The following SGPP1 variants were observed in gnomAD, a reference collection of about 807,000 sequenced individuals.
The protein encoded by SGPP1 is sphingosine-1-phosphate phosphatase 1, also known as hSPP1.
A neutral mutation model predicts 33.0 loss-of-function variants in SGPP1; 21 were observed. The ratio of observed to expected loss-of-function variants is 0.64; its 90% CI spans 0.45 to 0.92. The LOEUF (loss-of-function observed/expected upper bound fraction) is 0.92. SGPP1 is among the 40% of genes least tolerant of loss of function. The probability of loss-of-function intolerance (pLI) is 0.00; values close to 1 mark genes in which losing one functional copy is unlikely to be tolerated. For synonymous variants in SGPP1, 239 were observed against 241.2 expected (o/e 0.99, Z 0.08); for missense variants, 543 against 589.4 (o/e 0.92, Z 0.81).
chr14:63,688,423 G>A (rs1314589327), intron 2 of SGPP1, among the ~76,000 whole-genome samples: 1 of 151,838 alleles, frequency 6.6e-6, no homozygotes, highest in Non-Finnish European at 1.5e-5. Flanking sequence ...AATCAGAGAC[G>A]GTTCCTAGTT....
chr14:63,696,827 A>T (rs1393089523), intron 2 of SGPP1, among the ~76,000 whole-genome samples: 2 of 152,120 alleles, frequency 1.3e-5, no homozygotes, highest in Non-Finnish European at 2.9e-5. Flanking sequence ...CTCTACTAAA[A>T]ATACAAAAAT....
intron 1 of SGPP1, among the ~76,000 whole-genome samples, chr14:63,720,642 C>A (rs978108085): frequency 1.3e-5 from 2 of 152,048 alleles, no homozygotes; most frequent in African/African-American, 4.8e-5. Flanking sequence ...CGCCTGTAAT[C>A]CCAGCTAGTT....
At chr14:63,708,582 A>C (rs1284246219) in intron 1 of SGPP1, among the ~76,000 whole-genome samples, 1 of 152,010 alleles carries the variant, frequency 6.6e-6, no homozygotes, top group Non-Finnish European at 1.5e-5. Flanking sequence ...TTTATTTCTG[A>C]CCGTTAATTT....
chr14:63,711,498 C>T (rs980098957), intron 1 of SGPP1, among the ~76,000 whole-genome samples: 4 of 152,192 alleles, frequency 2.6e-5, no homozygotes, highest in South Asian at 2.1e-4. Context: ...CAGGGCAGGC[C>T]GACAGGCTGA....
intron 1 of SGPP1, among the ~76,000 whole-genome samples, chr14:63,705,424 T>C (rs1332133111): frequency 1.3e-5 from 2 of 151,190 alleles, no homozygotes; most frequent in Non-Finnish European, 2.9e-5. Context: ...TCCCAGCACT[T>C]TGGGGGGCCG....
intron 2 of SGPP1, among the ~76,000 whole-genome samples, chr14:63,694,793 G>A (rs1475573338): frequency 1.3e-5 from 2 of 152,078 alleles, no homozygotes; most frequent in Admixed American, 1.3e-4. Flanking sequence ...AGGAAATTTA[G>A]CAAATAATTT....
intron 1 of SGPP1, among the ~76,000 whole-genome samples, chr14:63,701,918 CAAAAA>C (rs549492142): frequency 3.1e-4 from 17 of 54,090 alleles, no homozygotes; most frequent in South Asian, 1.1e-3. Context: ...CTGTTGACAG[CAAAAA>C]AAAAAAAAAA....
At chr14:63,725,704 T>G (rs1190909213) in intron 1 of SGPP1, among the ~76,000 whole-genome samples, 2 of 152,324 alleles carry the variant, frequency 1.3e-5, no homozygotes, top group African/African-American at 4.8e-5. Context: ...TTTTCAGACT[T>G]CCAGTTAGTA....
intron 2 of SGPP1, among the ~76,000 whole-genome samples, chr14:63,691,471 C>T (rs1885094084): frequency 6.6e-6 from 1 of 152,210 alleles, no homozygotes; most frequent in Non-Finnish European, 1.5e-5. Context: ...CAGGCATCTA[C>T]CTCCTCCATA....
intron 2 of SGPP1, among the ~76,000 whole-genome samples, chr14:63,690,754 G>A (rs748133109): frequency 1.3e-4 from 19 of 151,838 alleles, no homozygotes; most frequent in Non-Finnish European, 2.4e-4. Flanking sequence ...TCTGTTCCCC[G>A]GGATGGAGTA....
At chr14:63,727,156 G>C (rs1010901700) in intron 1 of SGPP1, 105 bp downstream of exon 1, 1 of 1,444,186 alleles carries the variant, frequency 6.9e-7, no homozygotes. Flanking sequence ...TGTGGAAAGA[G>C]AGGCTTTGGA....
rs149126697 is a variant in SGPP1, at chr14:63,727,811, G to A, written c.134C>T (p.Ala45Val). The change falls in exon 1 of 3, where the codon GCG (alanine) becomes GTG (valine). Residue 45 changes from alanine to valine, a missense_variant. Transcript: ENST00000247225. ...AGGGTCTCCGGCGAGAGGCGCCTCC[G>A]CTTTCTCATCCTCCCTCCGGTCTGC... Reference protein sequence around the residue: ...RSADRREDEKAEAPLAGDPRL... With the variant: ...RSADRREDEKVEAPLAGDPRL... 3.3e-5 allele frequency: 50 copies of A among 1,506,514 alleles called. No individual in the cohort carries two copies. The highest frequency in any genetic ancestry group is 3.2e-4 in the African/African-American group (22 of 69,500). The allele number at this position is 1,506,514 out of a possible 1,614,324, so 93.3% of individuals were successfully genotyped here.
At chr14:63,691,751 C>A (rs1885098083) in intron 2 of SGPP1, among the ~76,000 whole-genome samples, 1 of 152,068 alleles carries the variant, frequency 6.6e-6, no homozygotes, top group African/African-American at 2.4e-5. Flanking sequence ...CTGATGTACA[C>A]CCTGGTTGAA....
At chr14:63,687,817 G>A (rs897406261) in intron 2 of SGPP1, among the ~76,000 whole-genome samples, 6 of 152,066 alleles carry the variant, frequency 3.9e-5, no homozygotes, top group Admixed American at 1.3e-4. Context: ...GGGAGACTTC[G>A]TCTCTTAAGA....
At chr14:63,713,652 G>A (rs1885566807) in intron 1 of SGPP1, among the ~76,000 whole-genome samples, 2 of 152,116 alleles carry the variant, frequency 1.3e-5, no homozygotes, top group African/African-American at 4.8e-5. Flanking sequence ...AAAATCTAGG[G>A]AAGAAATTTA....
At chr14:63,688,714 CTTTTT>C (rs776698745) in intron 2 of SGPP1, among the ~76,000 whole-genome samples, 269 of 140,918 alleles carry the variant, frequency 1.9e-3, no homozygotes, top group Non-Finnish European at 3.3e-3. Flanking sequence ...ACCGTCATTT[CTTTTT>C]TTTTTCTTTT....
At chr14:63,710,344 C>T (rs541725655) in intron 1 of SGPP1, among the ~76,000 whole-genome samples, 43 of 152,000 alleles carry the variant, frequency 2.8e-4, no homozygotes, top group Admixed American at 7.9e-4. Context: ...TGATAACATA[C>T]AATAATTATA....
intron 1 of SGPP1, among the ~76,000 whole-genome samples, chr14:63,726,952 TA>T (rs1431827028): frequency 6.6e-6 from 1 of 152,188 alleles, no homozygotes; most frequent in Non-Finnish European, 1.5e-5. Context: ...TTACAAGAAT[TA>T]AAGCCGTTTA....
intron 1 of SGPP1, among the ~76,000 whole-genome samples, chr14:63,699,596 C>T (rs1284919946): frequency 1.3e-5 from 2 of 152,026 alleles, no homozygotes; most frequent in East Asian, 3.9e-4. Context: ...GACAGGGTCT[C>T]ACTATGTTGC....
Sources: allele counts gnomAD v4.1 joint callset (sites outside exome capture counted in the v4.1 genomes callset), GRCh38; gene constraint gnomAD v4.1.1; transcripts MANE v1.5; gene names NCBI Gene and HGNC (gene_info 2026-07-23, HGNC 2026-07-21).